Variants in SETBP1 observed in about 807,000 individuals in gnomAD.
SETBP1 encodes SET binding protein 1.
A neutral mutation model predicts 101.0 loss-of-function variants in SETBP1; 9 were observed. The observed-to-expected ratio is 0.09, with a 90% confidence interval of 0.05 to 0.16. The LOEUF (loss-of-function observed/expected upper bound fraction) is 0.16. Ranked by LOEUF, SETBP1 falls within the 10% of genes least tolerant of loss-of-function variation. The pLI, the probability that SETBP1 is intolerant of heterozygous loss-of-function variation, is 1.00. For missense variants in SETBP1, 1,858 were observed against 2,033.8 expected (o/e 0.91, Z 1.66); for synonymous variants, 818 against 788.5 (o/e 1.04, Z -0.63).
At chr18:44,874,847 A>T (rs181625277) in intron 3 of SETBP1, among the ~76,000 whole-genome samples, 1 of 152,332 alleles carries the variant, frequency 6.6e-6, no homozygotes, top group East Asian at 1.9e-4. Flanking sequence ...GCCAAACCCC[A>T]AAGTATTCTG....
In SETBP1 at chr18:45,064,450, A is replaced by G. The variant is rs1440288531; in HGVS notation, c.*752A>G. The stretch of plus-strand genomic sequence containing the variant: ...CTTGCTGCCTTTTTTTTTTCTTGGT[A>G]CACATTTAAATAAAGTAATCCTTAA... On this transcript the variant is annotated 3_prime_UTR_variant, in exon 6 of 6. Coordinates refer to ENST00000649279, the MANE Select transcript of SETBP1 (RefSeq NM_015559.3). 1 of 151,140 alleles carries G rather than the reference A, an allele frequency of 6.6e-6. No homozygotes were observed. Among genetic ancestry groups the G allele is most frequent in the Non-Finnish European group, 1.5e-5 (1 of 67,802 alleles). 9.4% of individuals were successfully genotyped at this position (151,140 alleles called of 1,614,324 possible).
intron 2 of SETBP1, among the ~76,000 whole-genome samples, chr18:44,819,970 C>G (rs1298065685): frequency 6.6e-6 from 1 of 152,236 alleles, no homozygotes; most frequent in Non-Finnish European, 1.5e-5. Context: ...AAAAAGTTGC[C>G]TTGCTGTACA....
At chr18:44,766,166 G>C (rs552372702) in intron 2 of SETBP1, among the ~76,000 whole-genome samples, 4 of 152,314 alleles carry the variant, frequency 2.6e-5, no homozygotes, top group African/African-American at 9.6e-5. Context: ...GGTAAAGGAG[G>C]CTTACTGTTC....
intron 2 of SETBP1, among the ~76,000 whole-genome samples, chr18:44,786,799 G>A (rs547644532): frequency 5.9e-5 from 9 of 152,262 alleles, no homozygotes; most frequent in Middle Eastern, 3.4e-3. Flanking sequence ...AGAGCCACAC[G>A]GGACCTAAGG....
intron 2 of SETBP1, among the ~76,000 whole-genome samples, chr18:44,849,835 T>A (rs1161397546): frequency 1.3e-5 from 2 of 152,234 alleles, no homozygotes; most frequent in Non-Finnish European, 2.9e-5. Flanking sequence ...ATAAACAAGA[T>A]TTATATGATG....
intron 5 of SETBP1, 130 bp downstream of exon 5, chr18:45,038,785 G>A (rs1188641950): frequency 8.5e-6 from 8 of 942,546 alleles, no homozygotes; most frequent in Non-Finnish European, 1.1e-5. Context: ...TCTGAACATG[G>A]GAGCCGTTTC....
At chr18:44,880,166 T>C (rs2069497745) in intron 3 of SETBP1, among the ~76,000 whole-genome samples, 1 of 152,204 alleles carries the variant, frequency 6.6e-6, no homozygotes, top group Non-Finnish European at 1.5e-5. Context: ...TTTTATATGA[T>C]GACTTTCACA....
intron 2 of SETBP1, among the ~76,000 whole-genome samples, chr18:44,715,096 A>C (rs1182891381): frequency 6.6e-6 from 1 of 152,158 alleles, no homozygotes; most frequent in Non-Finnish European, 1.5e-5. Context: ...CCAGCAGTGG[A>C]AGCTATCTTC....
At chr18:44,710,827 G>A (rs1355554543) in intron 2 of SETBP1, among the ~76,000 whole-genome samples, 1 of 152,166 alleles carries the variant, frequency 6.6e-6, no homozygotes, top group East Asian at 1.9e-4. Context: ...TGGGGAAAGT[G>A]TTTCAACAGC....
chr18:45,027,020 T>C (rs2145440754), intron 4 of SETBP1, among the ~76,000 whole-genome samples: 1 of 152,322 alleles, frequency 6.6e-6, no homozygotes, highest in East Asian at 1.9e-4. Flanking sequence ...GGATGTCTCC[T>C]CTTTGCAATT....
intron 2 of SETBP1, among the ~76,000 whole-genome samples, chr18:44,748,939 A>C (rs1262495254): frequency 1.3e-5 from 2 of 152,158 alleles, no homozygotes; most frequent in African/African-American, 2.4e-5. Flanking sequence ...GCTGCTGCAG[A>C]ACACTCTGCT....
At chr18:45,037,076 G>A (rs2145489340) in intron 4 of SETBP1, among the ~76,000 whole-genome samples, 1 of 152,340 alleles carries the variant, frequency 6.6e-6, no homozygotes, top group African/African-American at 2.4e-5. Context: ...ATGTGAGGTA[G>A]TGTTACTCTG....
At chr18:45,036,762 A>G (rs1034229152) in intron 4 of SETBP1, among the ~76,000 whole-genome samples, 1 of 152,218 alleles carries the variant, frequency 6.6e-6, no homozygotes, top group African/African-American at 2.4e-5. Flanking sequence ...TTAGGTAGTT[A>G]CAGATGCCTT....
intron 2 of SETBP1, among the ~76,000 whole-genome samples, chr18:44,855,953 C>T (rs956836781): frequency 6.6e-5 from 10 of 152,048 alleles, no homozygotes; most frequent in Admixed American, 3.9e-4. Flanking sequence ...CGTGTGCCTA[C>T]GGGCAGGACT....
intron 2 of SETBP1, among the ~76,000 whole-genome samples, chr18:44,759,557 A>G (rs1407072446): frequency 3.3e-5 from 5 of 152,116 alleles, no homozygotes; most frequent in Non-Finnish European, 5.9e-5. Context: ...TCCCTCCTCC[A>G]TCTTAGCCTT....
In SETBP1 at chr18:44,771,884, C is replaced by G. The variant is rs560814371; in HGVS notation, c.486+70052C>G. On this transcript the variant is annotated intron_variant, in intron 2 of 5. Coordinates refer to ENST00000649279, the MANE Select transcript of SETBP1 (RefSeq NM_015559.3). ...CAATATCAGCTCCATGATTTCCCCC[C>G]CAAGGGATAAATATTGTGCTTTGCA... is the stretch of plus-strand genomic sequence containing the variant. Among the ~76,000 whole-genome samples, 9 of 152,292 alleles carry G rather than the reference C, an allele frequency of 5.9e-5. No homozygotes were observed. The East Asian group carries it at 7.7e-4, about 13-fold the overall frequency.
At chr18:44,962,652 A>G (rs893627438) in intron 4 of SETBP1, among the ~76,000 whole-genome samples, 2 of 152,200 alleles carry the variant, frequency 1.3e-5, no homozygotes, top group Admixed American at 6.5e-5. Flanking sequence ...AAAACTAACT[A>G]TCAGTGAAAT....
intron 2 of SETBP1, among the ~76,000 whole-genome samples, chr18:44,756,615 G>C (rs1337654859): frequency 6.6e-6 from 1 of 152,210 alleles, no homozygotes; most frequent in African/African-American, 2.4e-5. Flanking sequence ...AGACATTGAA[G>C]AATGGAAGCA....
intron 2 of SETBP1, among the ~76,000 whole-genome samples, chr18:44,705,933 C>T (rs1348962534): frequency 2.6e-5 from 4 of 152,110 alleles, no homozygotes; most frequent in African/African-American, 9.7e-5. Context: ...ACTCTTCTAA[C>T]CAGGATAGAA....
Sources: allele counts gnomAD v4.1 joint callset (sites outside exome capture counted in the v4.1 genomes callset), GRCh38; gene constraint gnomAD v4.1.1; transcripts MANE v1.5; gene names NCBI Gene and HGNC (gene_info 2026-07-23, HGNC 2026-07-21).